The following RAD52 variants were observed in gnomAD, a reference collection of about 807,000 sequenced individuals.
The protein encoded by RAD52 is DNA repair protein RAD52 homolog.
Under a neutral mutation model 55.5 loss-of-function variants are expected in RAD52, and 47 were observed. The ratio of observed to expected loss-of-function variants is 0.85; its 90% CI spans 0.67 to 1.08. The LOEUF is 1.08. Ranked by LOEUF, RAD52 falls within the 50% of genes least tolerant of loss-of-function variation. The pLI is 0.00. For missense variants in RAD52, 468 were observed against 522.8 expected (o/e 0.90, Z 1.02); for synonymous variants, 184 against 198.9 (o/e 0.92, Z 0.63).
intron 1 of RAD52, chr12:974,543 C>G (rs1010729592): frequency 2.6e-5 from 4 of 152,198 alleles, no homozygotes; most frequent in Non-Finnish European, 5.9e-5. Flanking sequence ...AGAAAGGAAC[C>G]TGTTTTAGCA....
At chr12:916,050 C>A (rs373241399) in intron 9 of RAD52, among the ~76,000 whole-genome samples, 1 of 151,412 alleles carries the variant, frequency 6.6e-6, no homozygotes, top group Non-Finnish European at 1.5e-5. Flanking sequence ...CCAAAGCATT[C>A]GAAGCAAAAA....
At chr12:952,445 G>A (rs1167440814), upstream of RAD52, among the ~76,000 whole-genome samples, 2 of 152,028 alleles carry the variant, frequency 1.3e-5, no homozygotes, top group Admixed American at 6.5e-5. Flanking sequence ...CTTTGTTGTG[G>A]GTTGAATTGT....
rs1956227926 is a variant in RAD52 at position 914,017 on chromosome 12, A to ACCATCTGGGTCACCATC, written c.1071_1072insGATGGTGACCCAGATGG (p.Leu358AspfsTer7). The ACCATCTGGGTCACCATC allele has an allele frequency of 6.2e-7, 1 of 1,614,122 alleles. No individual in the cohort carries two copies. Among genetic ancestry groups the ACCATCTGGGTCACCATC allele is most frequent in the East Asian group, 2.2e-5 (1 of 44,882 alleles). The stretch of plus-strand genomic sequence containing the variant: ...GTCACCATCTGGTTGTTCAAGGCTA[A>ACCATCTGGGTCACCATC]TGTGTCAGAGGTCTGGGCTGGGTCT... On this transcript the variant is annotated frameshift_variant, in exon 11 of 12. Transcript: ENST00000358495. LOFTEE classifies it high-confidence loss of function.
chr12:920,283 G>A (rs1956647164), intron 7 of RAD52, among the ~76,000 whole-genome samples: 1 of 116,400 alleles, frequency 8.6e-6, no homozygotes, highest in Non-Finnish European at 1.8e-5. Flanking sequence ...TCAGCCAGGT[G>A]CAGTGGCTCA....
At chr12:987,481 AC>A (rs1276851001) in intron 1 of RAD52, among the ~76,000 whole-genome samples, 1 of 150,870 alleles carries the variant, frequency 6.6e-6, no homozygotes, top group Admixed American at 6.6e-5. Flanking sequence ...TCTCTTTTTC[AC>A]ATAATATTAG....
At chr12:913,742 TAAATC>T (rs368833658) in intron 11 of RAD52, 147 bp downstream of exon 11, 17 of 777,688 alleles carry the variant, frequency 2.2e-5, no homozygotes, top group East Asian at 1.9e-4. Context: ...TTCTGGCTCT[TAAATC>T]AATTCTGTTC....
intron 1 of RAD52, among the ~76,000 whole-genome samples, chr12:984,882 G>C (rs1959066505): frequency 6.6e-6 from 1 of 151,916 alleles, no homozygotes; most frequent in Admixed American, 6.5e-5. Flanking sequence ...AGCCAGGATG[G>C]TCTCAATCTC....
At chr12:990,144 A>C (rs1438597711), upstream of RAD52, 1 of 152,230 alleles carries the variant, frequency 6.6e-6, no homozygotes, top group African/African-American at 2.4e-5. Flanking sequence ...TAATGGGATT[A>C]TGAGGCAGTA....
chr12:945,595 A>G (rs554344251), intron 1 of RAD52, among the ~76,000 whole-genome samples: 1 of 151,270 alleles, frequency 6.6e-6, no homozygotes, highest in Admixed American at 6.6e-5. Context: ...GACCACACCC[A>G]GCTAATTTTC....
At chr12:917,831 C>A (rs113896468) in intron 7 of RAD52, among the ~76,000 whole-genome samples, 1 of 28,240 alleles carries the variant, frequency 3.5e-5, no homozygotes, top group East Asian at 1.0e-3. Flanking sequence ...CCCAGCTACT[C>A]GGGAGGCTGA....
At chr12:937,440 C>G (rs1258228544) in intron 1 of RAD52, among the ~76,000 whole-genome samples, 2 of 148,634 alleles carry the variant, frequency 1.3e-5, no homozygotes, top group Non-Finnish European at 3.0e-5. Flanking sequence ...TTTTTTTTTT[C>G]TGAGACAGAG....
At chr12:948,644 C>A (rs1001061974) in intron 1 of RAD52, among the ~76,000 whole-genome samples, 1 of 151,618 alleles carries the variant, frequency 6.6e-6, no homozygotes, top group East Asian at 1.9e-4. Flanking sequence ...GGCAACAGAG[C>A]GAGACTATGT....
chr12:951,920 C>T (rs78501089), upstream of RAD52, among the ~76,000 whole-genome samples: 4,653 of 152,066 alleles, frequency 0.031, 122 homozygotes, highest in Middle Eastern at 0.068. Flanking sequence ...AGTTACCTAC[C>T]TGCATGTTAT....
At chr12:990,462 G>C (rs1592512761), upstream of RAD52, 2 of 152,174 alleles carry the variant, frequency 1.3e-5, no homozygotes, top group Non-Finnish European at 2.9e-5. Flanking sequence ...CTTAGCTGTC[G>C]GAGGCTAAAT....
chr12:971,881 T>C (rs560483219), intron 1 of RAD52, among the ~76,000 whole-genome samples: 1 of 152,122 alleles, frequency 6.6e-6, no homozygotes. Context: ...CCCGAGTAGC[T>C]GGGACTACAG....
At chr12:920,559 C>CAA (rs35033819) in intron 7 of RAD52, among the ~76,000 whole-genome samples, 1 of 105,828 alleles carries the variant, frequency 9.4e-6, no homozygotes, top group African/African-American at 3.8e-5. Flanking sequence ...GACTCCGTCT[C>CAA]AAAAAAAAAA....
At chr12:913,679 A>G (rs1359782059) in intron 11 of RAD52, among the ~76,000 whole-genome samples, 1 of 152,176 alleles carries the variant, frequency 6.6e-6, no homozygotes, top group Non-Finnish European at 1.5e-5. Context: ...GCTTCCTGCT[A>G]TTATCAGGAG....
intron 1 of RAD52, among the ~76,000 whole-genome samples, chr12:946,698 G>A (rs992198969): frequency 1.5e-4 from 23 of 152,142 alleles, no homozygotes; most frequent in African/African-American, 5.3e-4. Flanking sequence ...ATGGCACTAC[G>A]TATACAGCCA....
intron 1 of RAD52, among the ~76,000 whole-genome samples, chr12:961,547 G>A (rs1958686332): frequency 1.3e-5 from 2 of 151,798 alleles, no homozygotes; most frequent in South Asian, 2.1e-4. Context: ...TAAAGGAGGA[G>A]GAAATTTTGT....
Sources: allele counts gnomAD v4.1 joint callset (sites outside exome capture counted in the v4.1 genomes callset), GRCh38; gene constraint gnomAD v4.1.1; transcripts MANE v1.5; gene names NCBI Gene and HGNC (gene_info 2026-07-23, HGNC 2026-07-21).